NAA38: variants seen among roughly 807,000 people sequenced by gnomAD.
NAA38 encodes the protein LSM domain containing 1.
NAA38 carries 15 observed loss-of-function variants against 12.6 expected under a neutral mutation model. The observed-to-expected ratio is 1.19, with a 90% CI of 0.79 to 1.83. The LOEUF (loss-of-function observed/expected upper bound fraction) is 1.83, where lower values mean the gene tolerates loss of function less well. Ranked by LOEUF, NAA38 falls within the 40% of genes most tolerant of loss-of-function variation. The pLI, the probability that NAA38 is intolerant of heterozygous loss-of-function variation, is 0.00. For missense variants in NAA38, 183 were observed against 171.7 expected (o/e 1.07, Z -0.37); for synonymous variants, 88 against 69.9 (o/e 1.26, Z -1.29).
chr17:7,885,027 C>T (rs1967539999), intron 1 of NAA38: 2 of 1,046,728 alleles, frequency 1.9e-6, no homozygotes, highest in East Asian at 5.4e-5. Flanking sequence ...CACCTCTTCC[C>T]GCCGCCGCCG....
intron 3 of NAA38, chr17:7,866,117 C>G (rs572550039): frequency 6.8e-6 from 1 of 147,210 alleles, no homozygotes; most frequent in Non-Finnish European, 1.4e-5. Context: ...GACGGAGTCT[C>G]GCTCTGTTGC....
At chr17:7,872,724 CT>C (rs1967108127) in intron 2 of NAA38, among the ~76,000 whole-genome samples, 2 of 152,320 alleles carry the variant, frequency 1.3e-5, no homozygotes, top group African/African-American at 4.8e-5. Flanking sequence ...TGGTAAGGAT[CT>C]ACCTTTTATA....
chr17:7,859,569 C>CT (rs2078867667), upstream of NAA38: 1 of 1,614,158 alleles, frequency 6.2e-7, no homozygotes, highest in East Asian at 2.2e-5. Context: ...CTTCACACAC[C>CT]TGCAATACTT....
upstream of NAA38, chr17:7,860,742 G>A (rs1410529688): frequency 6.6e-6 from 1 of 152,246 alleles, no homozygotes. Context: ...AGTTTGCAGA[G>A]TTCTCCTGTG....
chr17:7,857,761 C>T, upstream of NAA38: 13 of 1,277,044 alleles, frequency 1.0e-5, no homozygotes, highest in Non-Finnish European at 1.2e-5. Context: ...ATACTGCCTC[C>T]TCCCTTGTTT....
chr17:7,873,204 T>G (rs2151391096), intron 2 of NAA38, among the ~76,000 whole-genome samples: 1 of 152,354 alleles, frequency 6.6e-6, no homozygotes, highest in South Asian at 2.1e-4. Context: ...GCCCAGGTTC[T>G]TAAGTACCAT....
At chr17:7,867,449 C>T (rs1967008376) in intron 2 of NAA38, among the ~76,000 whole-genome samples, 1 of 152,138 alleles carries the variant, frequency 6.6e-6, no homozygotes, top group African/African-American at 2.4e-5. Flanking sequence ...AGCAATTCTC[C>T]TGCCTCAGCC....
chr17:7,857,702 T>C (rs2078840204), upstream of NAA38: 3 of 1,309,948 alleles, frequency 2.3e-6, no homozygotes, highest in Admixed American at 7.3e-5. Flanking sequence ...TACCTCTGGT[T>C]TCTTACACAT....
chr17:7,859,373 G>A, upstream of NAA38: 6 of 1,612,362 alleles, frequency 3.7e-6, no homozygotes, highest in Non-Finnish European at 5.1e-6. Context: ...GTGCTTCTGT[G>A]TTCTCCAGGT....
intron 2 of NAA38, among the ~76,000 whole-genome samples, chr17:7,875,704 G>A (rs1967164407): frequency 6.6e-6 from 1 of 151,954 alleles, no homozygotes; most frequent in African/African-American, 2.4e-5. Context: ...TGAATTCAGG[G>A]GTTTTTAGTA....
chr17:7,876,591 A>G (rs1418340337), intron 2 of NAA38, among the ~76,000 whole-genome samples: 2 of 152,118 alleles, frequency 1.3e-5, no homozygotes, highest in Non-Finnish European at 2.9e-5. Context: ...ACTACATATG[A>G]AAGTTATTTA....
At chr17:7,860,504 G>GC (rs2078875181), upstream of NAA38, 1 of 152,122 alleles carries the variant, frequency 6.6e-6, no homozygotes, top group Admixed American at 6.6e-5. Context: ...ATAGCTCAAA[G>GC]CCACACTAGG....
chr17:7,867,278 G>A (rs1967002982), intron 2 of NAA38, among the ~76,000 whole-genome samples: 1 of 151,624 alleles, frequency 6.6e-6, no homozygotes, highest in Non-Finnish European at 1.5e-5. Flanking sequence ...TTTTTTAATT[G>A]AGACATAATT....
rs772983045 is a variant in NAA38 at position 7,857,097 on chromosome 17, C to T, written c.183G>A (p.Arg61=). The T allele has an allele frequency of 6.2e-7, 1 of 1,613,552 alleles. No individual in the cohort carries two copies. Among genetic ancestry groups the T allele is most frequent in the Admixed American group, 1.7e-5 (1 of 60,034 alleles). Residue 61 remains arginine, a synonymous_variant, in exon 2 of 3, where the codon CGG becomes CGA. Coordinates refer to ENST00000575771, the MANE Select transcript of NAA38 (RefSeq NM_001320925.4). ...KTMRIRMTDG[R]TLVGCFLCTD... ...TGCAGAGGAAGCAGCCGACCAGTGT[C>T]CGTCCATCTGTCATGCGAATGCGCA... is the stretch of plus-strand genomic sequence containing the variant.
chr17:7,865,138 A>G (rs1966942113), intron 3 of NAA38: 4 of 152,204 alleles, frequency 2.6e-5, no homozygotes, highest in African/African-American at 4.8e-5. Context: ...GATCAGAGGC[A>G]TGTCTGAGGA....
Position 7,857,329 on chromosome 17 carries a change from C to T in NAA38, c.81+54G>A, listed in dbSNP as rs752168646. 1.2e-5 allele frequency: 20 copies of T among 1,613,102 alleles called. No homozygotes were observed. Among genetic ancestry groups the T allele is most frequent in the Non-Finnish European group, 1.6e-5 (19 of 1,179,936 alleles). On this transcript the variant is annotated intron_variant, in intron 1 of 2. Transcript: ENST00000575771. ...GCCGGGAGCTGCAGTTCCCCACCCCCTCCATCTTGCTGCTTGACTGCCCCT... is the reference window on the plus strand; with the variant it reads ...GCCGGGAGCTGCAGTTCCCCACCCCTTCCATCTTGCTGCTTGACTGCCCCT...
intron 1 of NAA38, among the ~76,000 whole-genome samples, chr17:7,884,119 C>G (rs970223252): frequency 2.0e-5 from 3 of 150,652 alleles, no homozygotes; most frequent in African/African-American, 7.4e-5. Context: ...GAAAATATCT[C>G]TATTAATCTG....
Position 7,857,512 on chromosome 17 carries a change from G to C in NAA38, c.-49C>G. ...CTTTCAACTTCCTAAGCACCTTTCA[G>C]GTTGGGTGGTCCGAGATCTCGCGAG... is the stretch of plus-strand genomic sequence containing the variant. On this transcript the variant is annotated 5_prime_UTR_variant, in exon 1 of 3. Coordinates refer to ENST00000575771, the MANE Select transcript of NAA38 (RefSeq NM_001320925.4). 1 of 1,478,922 alleles carries C rather than the reference G, an allele frequency of 6.8e-7. No individual in the cohort carries two copies. The highest frequency in any genetic ancestry group is 9.0e-7 in the Non-Finnish European group (1 of 1,116,968). The allele number at this position is 1,478,922 out of a possible 1,614,324, so 91.6% of individuals were successfully genotyped here. A position where few individuals can be genotyped will look rare whatever the true frequency, so the allele number is the denominator to read the frequency against.
intron 3 of NAA38, chr17:7,865,847 TTGA>T (rs1275781325): frequency 6.6e-6 from 1 of 152,126 alleles, no homozygotes; most frequent in Non-Finnish European, 1.5e-5. Context: ...AGACAGGGCA[TTGA>T]TACTTGAGCC....
Sources: gnomAD v4.1 joint callset for allele counts (sites outside exome capture counted in the v4.1 genomes callset) on GRCh38, gnomAD v4.1.1 for gene constraint, MANE v1.5 for transcripts, NCBI Gene and HGNC (gene_info 2026-07-23, HGNC 2026-07-21) for gene names.